CNTN5: variants seen among roughly 807,000 people sequenced by gnomAD.
The protein encoded by CNTN5 is contactin-5.
In CNTN5, 77 loss-of-function variants were observed where a neutral mutation model predicts 129.1. The observed-to-expected ratio is 0.60, with a 90% CI of 0.50 to 0.72. The LOEUF is 0.72. CNTN5 is among the 30% of genes least tolerant of loss of function. The pLI, the probability that CNTN5 is intolerant of heterozygous loss-of-function variation, is 0.00. For missense variants in CNTN5, 1,478 were observed against 1,328.8 expected, an observed-to-expected ratio of 1.11 and a Z score of -1.75; for synonymous variants, 509 against 465.6, an observed-to-expected ratio of 1.09 and a Z score of -1.20.
At chr11:99,876,229 A>T (rs117221201) in intron 6 of CNTN5, among the ~76,000 whole-genome samples, 89 of 152,236 alleles carry the variant, frequency 5.8e-4, no homozygotes, top group Non-Finnish European at 9.6e-4. Context: ...GTTGTTCAGG[A>T]CCTGCATCTG....
intron 9 of CNTN5, among the ~76,000 whole-genome samples, chr11:100,053,256 T>C (rs1285167934): frequency 6.6e-6 from 1 of 151,552 alleles, no homozygotes; most frequent in Non-Finnish European, 1.5e-5. Flanking sequence ...AAGAACTTCA[T>C]CAAAATTAAA....
chr11:100,290,390 T>C (rs1405459550), intron 18 of CNTN5, among the ~76,000 whole-genome samples: 3 of 150,600 alleles, frequency 2.0e-5, no homozygotes, highest in Non-Finnish European at 3.0e-5. Flanking sequence ...AACAGCATGG[T>C]ACTGGTACCA....
intron 16 of CNTN5, among the ~76,000 whole-genome samples, chr11:100,251,414 T>A (rs1205351580): frequency 6.6e-6 from 1 of 152,148 alleles, no homozygotes; most frequent in Non-Finnish European, 1.5e-5. Context: ...ACATTTATCT[T>A]TTCTTTGTGT....
intron 13 of CNTN5, among the ~76,000 whole-genome samples, chr11:100,101,921 T>C (rs2138064320): frequency 6.6e-6 from 1 of 152,270 alleles, no homozygotes; most frequent in South Asian, 2.1e-4. Flanking sequence ...TTTCTTTTTA[T>C]GGCTGAGTAA....
At chr11:100,161,830 T>TACACATACACATAC (rs59930760) in intron 13 of CNTN5, among the ~76,000 whole-genome samples, 1 of 125,834 alleles carries the variant, frequency 7.9e-6, no homozygotes, top group African/African-American at 3.4e-5. Flanking sequence ...TGGAGCTTCC[T>TACACATACACATAC]ACACACACAC....
intron 9 of CNTN5, among the ~76,000 whole-genome samples, chr11:100,037,064 C>T (rs1194483217): frequency 6.6e-6 from 1 of 152,062 alleles, no homozygotes; most frequent in African/African-American, 2.4e-5. Context: ...AAAGGGAATG[C>T]TTCCAGTTTT....
chr11:100,063,098 G>C (rs552754066), intron 10 of CNTN5, among the ~76,000 whole-genome samples: 1 of 152,072 alleles, frequency 6.6e-6, no homozygotes, highest in Non-Finnish European at 1.5e-5. Context: ...CTCTGTGTTC[G>C]AAGAATGGCC....
chr11:99,134,211 A>G (rs1000502386), intron 1 of CNTN5, among the ~76,000 whole-genome samples: 3 of 152,126 alleles, frequency 2.0e-5, no homozygotes, highest in African/African-American at 7.2e-5. Flanking sequence ...ATGAGAACAA[A>G]TGGACACAGG....
At chr11:99,862,874 T>C (rs1183465398) in intron 6 of CNTN5, among the ~76,000 whole-genome samples, 1 of 152,098 alleles carries the variant, frequency 6.6e-6, no homozygotes, top group African/African-American at 2.4e-5. Flanking sequence ...AATAAAGGCA[T>C]GTAACCTTCA....
intron 3 of CNTN5, among the ~76,000 whole-genome samples, chr11:99,715,918 G>A (rs1188406392): frequency 6.6e-6 from 1 of 151,474 alleles, no homozygotes; most frequent in Non-Finnish European, 1.5e-5. Context: ...TTTTTATGTT[G>A]TTAGAAATAA....
chr11:100,332,929 G>A (rs1350746061), intron 21 of CNTN5, among the ~76,000 whole-genome samples: 1 of 152,052 alleles, frequency 6.6e-6, no homozygotes, highest in Non-Finnish European at 1.5e-5. Context: ...GCATAGTACT[G>A]GAAGTCCTAC....
At chr11:99,909,518 T>C (rs1441540637) in intron 6 of CNTN5, among the ~76,000 whole-genome samples, 2 of 152,122 alleles carry the variant, frequency 1.3e-5, no homozygotes, top group Non-Finnish European at 2.9e-5. Context: ...ACACGTTATG[T>C]TTATTGAGGC....
chr11:99,829,389 T>G (rs1276739043), intron 4 of CNTN5, among the ~76,000 whole-genome samples: 1 of 152,188 alleles, frequency 6.6e-6, no homozygotes, highest in African/African-American at 2.4e-5. Context: ...ACTTTGGTCA[T>G]CCCCAGGCTT....
chr11:99,622,780 A>G (rs907039201), intron 3 of CNTN5, among the ~76,000 whole-genome samples: 45 of 152,100 alleles, frequency 3.0e-4, no homozygotes, highest in African/African-American at 1.0e-3. Context: ...GACTTTTGCT[A>G]ACTTGTTAAT....
chr11:99,622,339 G>A (rs606292), intron 3 of CNTN5, among the ~76,000 whole-genome samples: 101,396 of 151,874 alleles, frequency 0.67, 34,757 homozygotes, highest in Admixed American at 0.78. Context: ...AAGCCCTATA[G>A]TATGACTAAA....
chr11:100,319,823 C>T (rs529317416), intron 21 of CNTN5, among the ~76,000 whole-genome samples: 20 of 152,290 alleles, frequency 1.3e-4, no homozygotes, highest in South Asian at 2.1e-4. Context: ...CTGTGCCTGG[C>T]TTATTTCACT....
intron 3 of CNTN5, among the ~76,000 whole-genome samples, chr11:99,691,624 T>A (rs887067733): frequency 6.6e-6 from 1 of 152,164 alleles, no homozygotes; most frequent in Non-Finnish European, 1.5e-5. Flanking sequence ...CTGTTTGTTA[T>A]GATTTCAGTT....
chr11:99,381,682 C>A (rs1240631602), intron 2 of CNTN5, among the ~76,000 whole-genome samples: 2 of 152,078 alleles, frequency 1.3e-5, no homozygotes, highest in Non-Finnish European at 2.9e-5. Flanking sequence ...AGCAGAAATG[C>A]ACAGTCAAGT....
chr11:99,276,949 G>C (rs1337360580), intron 1 of CNTN5, among the ~76,000 whole-genome samples: 1 of 151,368 alleles, frequency 6.6e-6, no homozygotes, highest in Admixed American at 6.6e-5. Flanking sequence ...GAGTCAAAAG[G>C]CTGCAATTAT....
Sources: gnomAD v4.1 joint callset for allele counts (sites outside exome capture counted in the v4.1 genomes callset) on GRCh38, gnomAD v4.1.1 for gene constraint, MANE v1.5 for transcripts, NCBI Gene and HGNC (gene_info 2026-07-23, HGNC 2026-07-21) for gene names.